Variants in PRR16 observed in about 807,000 individuals in gnomAD.
PRR16 encodes the protein protein Largen.
Under a neutral mutation model 18.2 loss-of-function variants are expected in PRR16, and 6 were observed. The ratio of observed to expected loss-of-function variants is 0.33; its 90% CI spans 0.18 to 0.65. The LOEUF (loss-of-function observed/expected upper bound fraction) is 0.65, where lower values mean the gene tolerates loss of function less well. Among genes scored for constraint, PRR16 ranks in the 30% least tolerant of loss-of-function variants. The pLI is 0.74. For missense variants in PRR16, 412 were observed against 376.6 expected, an observed-to-expected ratio of 1.09 and a Z score of -0.78; for synonymous variants, 151 against 147.8, an observed-to-expected ratio of 1.02 and a Z score of -0.16.
the PRR16 span, among the ~76,000 whole-genome samples, chr5:120,783,198 C>A: frequency 6.6e-6 from 1 of 152,168 alleles, no homozygotes; most frequent in Non-Finnish European, 1.5e-5. Context: ...ATATCATTTT[C>A]TTCACATTAC....
chr5:120,518,681 C>A (rs191429125), intron 1 of PRR16, among the ~76,000 whole-genome samples: 34 of 152,126 alleles, frequency 2.2e-4, no homozygotes, highest in Non-Finnish European at 4.6e-4. Context: ...ATTTCCAACC[C>A]CCTTTGTAGT....
chr5:120,699,479 C>G, the PRR16 span, among the ~76,000 whole-genome samples: 17 of 152,198 alleles, frequency 1.1e-4, no homozygotes, highest in East Asian at 3.3e-3. Context: ...GGATTCAAGT[C>G]TGGGCCAGGA....
intron 1 of PRR16, among the ~76,000 whole-genome samples, chr5:120,500,115 G>C (rs558825965): frequency 4.6e-5 from 7 of 152,152 alleles, no homozygotes; most frequent in South Asian, 2.1e-4. Context: ...CTTGTCTTTT[G>C]CTGGTGCACA....
chr5:120,743,325 TTTTG>T, the PRR16 span, among the ~76,000 whole-genome samples: 2 of 152,146 alleles, frequency 1.3e-5, no homozygotes, highest in Non-Finnish European at 2.9e-5. Context: ...TTTGAGAAGC[TTTTG>T]TTTGATTGTT....
chr5:120,503,551 G>A (rs957519684), intron 1 of PRR16, among the ~76,000 whole-genome samples: 4 of 152,052 alleles, frequency 2.6e-5, no homozygotes, highest in African/African-American at 4.8e-5. Flanking sequence ...GAAAACTTAC[G>A]AGCTGAGAAC....
At chr5:120,519,911 A>G (rs1751117666) in intron 1 of PRR16, among the ~76,000 whole-genome samples, 1 of 152,006 alleles carries the variant, frequency 6.6e-6, no homozygotes, top group African/African-American at 2.4e-5. Context: ...ACCACTTTTC[A>G]GGTTTCTCCT....
chr5:120,754,925 G>C, the PRR16 span, among the ~76,000 whole-genome samples: 1 of 151,062 alleles, frequency 6.6e-6, no homozygotes, highest in Non-Finnish European at 1.5e-5. Flanking sequence ...TAGAAAATTG[G>C]GAATAGAATA....
chr5:120,731,716 A>T, the PRR16 span, among the ~76,000 whole-genome samples: 1 of 152,188 alleles, frequency 6.6e-6, no homozygotes, highest in South Asian at 2.1e-4. Context: ...TGTTGTATCC[A>T]CTCTTAATTT....
intron 1 of PRR16, among the ~76,000 whole-genome samples, chr5:120,473,111 C>T (rs1749324336): frequency 6.6e-6 from 1 of 151,848 alleles, no homozygotes; most frequent in Admixed American, 6.6e-5. Context: ...AGTGATCTGC[C>T]CTTGAAGTAA....
intron 1 of PRR16, among the ~76,000 whole-genome samples, chr5:120,627,623 G>GA (rs960987992): frequency 1.3e-5 from 2 of 151,536 alleles, no homozygotes; most frequent in African/African-American, 4.8e-5. Context: ...TAAGCTTTGT[G>GA]AAAAAAAATA....
chr5:120,478,120 A>T (rs1749501383), intron 1 of PRR16, among the ~76,000 whole-genome samples: 1 of 152,140 alleles, frequency 6.6e-6, no homozygotes, highest in Non-Finnish European at 1.5e-5. Flanking sequence ...AGTGGCTGGC[A>T]TGTAGTAGAT....
chr5:120,725,468 A>C, the PRR16 span, among the ~76,000 whole-genome samples: 2,730 of 151,902 alleles, frequency 0.018, 85 homozygotes, highest in African/African-American at 0.061. Flanking sequence ...CCAGGCTGGG[A>C]AACATAGTAA....
At chr5:120,644,618 G>T (rs556668024) in intron 1 of PRR16, among the ~76,000 whole-genome samples, 103 of 152,108 alleles carry the variant, frequency 6.8e-4, no homozygotes, top group African/African-American at 2.1e-3. Flanking sequence ...TGCCTTTTGG[G>T]TCAAAATATT....
chr5:120,575,944 A>C (rs189503896), intron 1 of PRR16, among the ~76,000 whole-genome samples: 4 of 152,312 alleles, frequency 2.6e-5, no homozygotes, highest in Admixed American at 1.3e-4. Context: ...AAACCTCTGC[A>C]ATAAATAGTG....
chr5:120,493,563 C>G (rs1192689820), intron 1 of PRR16, among the ~76,000 whole-genome samples: 1 of 152,068 alleles, frequency 6.6e-6, no homozygotes, highest in African/African-American at 2.4e-5. Context: ...GTGGTAACAT[C>G]TTGAAAAACT....
At chr5:120,485,856 G>A (rs972968733) in intron 1 of PRR16, among the ~76,000 whole-genome samples, 1 of 151,960 alleles carries the variant, frequency 6.6e-6, no homozygotes, top group Non-Finnish European at 1.5e-5. Context: ...GTGTCCATGT[G>A]TTCTCATTGT....
intron 1 of PRR16, among the ~76,000 whole-genome samples, chr5:120,493,668 A>G (rs937392869): frequency 6.6e-6 from 1 of 152,148 alleles, no homozygotes; most frequent in African/African-American, 2.4e-5. Flanking sequence ...GCCCTTTTAC[A>G]GCTATACCCA....
intron 1 of PRR16, 143 bp from the exon 2 acceptor site, chr5:120,685,811 G>A: frequency 1.3e-6 from 1 of 799,058 alleles, no homozygotes; most frequent in Non-Finnish European, 1.9e-6. Context: ...TTTATTGACT[G>A]AAAACATCAA....
intron 1 of PRR16, among the ~76,000 whole-genome samples, chr5:120,562,126 T>G (rs1295373435): frequency 6.6e-6 from 1 of 152,176 alleles, no homozygotes; most frequent in Non-Finnish European, 1.5e-5. Flanking sequence ...TCTCTTTGGC[T>G]CTAATCATAG....
Sources: allele counts gnomAD v4.1 joint callset (sites outside exome capture counted in the v4.1 genomes callset), GRCh38; gene constraint gnomAD v4.1.1; transcripts MANE v1.5; gene names NCBI Gene and HGNC (gene_info 2026-07-23, HGNC 2026-07-21).